STT3B: variants seen among roughly 807,000 people sequenced by gnomAD.
The protein encoded by STT3B is dolichyl-diphosphooligosaccharide--protein glycosyltransferase subunit STT3B.
In STT3B, 29 loss-of-function variants were observed where a neutral mutation model predicts 96.8. The ratio of observed to expected loss-of-function variants is 0.30; its 90% confidence interval spans 0.22 to 0.41. The LOEUF (loss-of-function observed/expected upper bound fraction) is 0.41, where lower values mean the gene tolerates loss of function less well. Among genes scored for constraint, STT3B ranks in the 10% least tolerant of loss-of-function variants. The pLI, the probability that STT3B is intolerant of heterozygous loss-of-function variation, is 1.00. For synonymous variants in STT3B, 367 were observed against 360.0 expected (o/e 1.02, Z -0.22); for missense variants, 640 against 1,022.3 (o/e 0.63, Z 5.10).
chr3:31,559,711 C>G (rs970805526), intron 1 of STT3B, among the ~76,000 whole-genome samples: 1 of 151,994 alleles, frequency 6.6e-6, no homozygotes, highest in Non-Finnish European at 1.5e-5. Flanking sequence ...TACATTTTGT[C>G]TAATGTGCAG....
chr3:31,589,175 A>T (rs1698611993), intron 3 of STT3B, among the ~76,000 whole-genome samples: 1 of 152,024 alleles, frequency 6.6e-6, no homozygotes. Context: ...TACTTAAGTA[A>T]TTCATTTTGT....
intron 1 of STT3B, among the ~76,000 whole-genome samples, chr3:31,535,872 A>T (rs1697079764): frequency 1.3e-5 from 2 of 152,142 alleles, no homozygotes; most frequent in African/African-American, 2.4e-5. Context: ...TATAGTTTTA[A>T]TGTTGACATT....
intron 5 of STT3B, 109 bp from the exon 6 acceptor site, chr3:31,614,996 C>T: frequency 1.8e-6 from 1 of 563,128 alleles, no homozygotes; most frequent in Non-Finnish European, 3.1e-6. Flanking sequence ...AGATTCTGTT[C>T]TTAAATTCAG....
At position 31,637,567 on chromosome 3, in the gene STT3B, A is replaced by G. The variant is rs143203831; in HGVS notation, c.*1503A>G. 13 of 152,328 alleles carry G rather than the reference A, an allele frequency of 8.5e-5. No individual in the cohort carries two copies. The highest frequency in any genetic ancestry group is 1.5e-4 in the Non-Finnish European group (10 of 68,020). The allele number at this position is 152,328 out of a possible 1,614,324, so 9.4% of individuals were successfully genotyped here. On this transcript the variant is annotated 3_prime_UTR_variant, in exon 16 of 16. Coordinates refer to ENST00000295770, the MANE Select transcript of STT3B (RefSeq NM_178862.3). ...TTTTACTTTGTTGCTTTAAAATTCA[A>G]TGCAGAGAAGTTGTTGACTGTAGGG...
intron 3 of STT3B, among the ~76,000 whole-genome samples, chr3:31,592,019 G>T (rs553312169): frequency 6.6e-6 from 1 of 151,666 alleles, no homozygotes. Context: ...TACTTTATTG[G>T]CATTAAGTAC....
chr3:31,608,913 G>A (rs193079940), intron 5 of STT3B, among the ~76,000 whole-genome samples: 15 of 152,130 alleles, frequency 9.9e-5, no homozygotes, highest in African/African-American at 3.4e-4. Context: ...TCAAGAGATC[G>A]AGACCATCCT....
intron 2 of STT3B, among the ~76,000 whole-genome samples, chr3:31,579,403 C>A (rs1057109595): frequency 2.2e-4 from 30 of 133,882 alleles, no homozygotes; most frequent in Middle Eastern, 4.6e-3. Context: ...CTTATGTACA[C>A]ACAAGTATGG....
At chr3:31,549,947 A>G (rs895941570) in intron 1 of STT3B, among the ~76,000 whole-genome samples, 13 of 152,098 alleles carry the variant, frequency 8.5e-5, no homozygotes, top group Admixed American at 4.6e-4. Flanking sequence ...AATTGATCAA[A>G]TATACTATTT....
At chr3:31,540,138 C>G (rs1021945328) in intron 1 of STT3B, among the ~76,000 whole-genome samples, 2 of 152,068 alleles carry the variant, frequency 1.3e-5, no homozygotes, top group African/African-American at 4.8e-5. Context: ...GGGGAAGTTA[C>G]TTTCTACCAC....
intron 5 of STT3B, among the ~76,000 whole-genome samples, chr3:31,608,944 A>G (rs992064359): frequency 6.6e-6 from 1 of 152,070 alleles, no homozygotes; most frequent in African/African-American, 2.4e-5. Context: ...GTGAAACCCC[A>G]TCTCTACTAA....
At chr3:31,585,722 A>G (rs983169641) in intron 3 of STT3B, among the ~76,000 whole-genome samples, 4 of 152,180 alleles carry the variant, frequency 2.6e-5, no homozygotes, top group African/African-American at 9.6e-5. Flanking sequence ...AATGCCATAT[A>G]AATACAGACA....
chr3:31,573,068 G>T (rs1698195204), intron 1 of STT3B, among the ~76,000 whole-genome samples: 1 of 152,144 alleles, frequency 6.6e-6, no homozygotes, highest in Non-Finnish European at 1.5e-5. Flanking sequence ...AGACATCAGT[G>T]ATACAGGCAG....
intron 5 of STT3B, among the ~76,000 whole-genome samples, chr3:31,606,043 A>G (rs1699045824): frequency 6.6e-6 from 1 of 152,240 alleles, no homozygotes; most frequent in South Asian, 2.1e-4. Context: ...CCCCTGCCCT[A>G]GAGATTTGTG....
chr3:31,538,247 C>T (rs968042661), intron 1 of STT3B, among the ~76,000 whole-genome samples: 1 of 152,128 alleles, frequency 6.6e-6, no homozygotes, highest in Non-Finnish European at 1.5e-5. Context: ...CATCTTTGTT[C>T]CCCAACACCA....
At chr3:31,557,611 G>GTA (rs34718648) in intron 1 of STT3B, among the ~76,000 whole-genome samples, 6,608 of 151,692 alleles carry the variant, frequency 0.044, 376 homozygotes, top group East Asian at 0.32. Flanking sequence ...TTATTTCTAG[G>GTA]TATATATATT....
chr3:31,589,846 G>A (rs1163798862), intron 3 of STT3B, among the ~76,000 whole-genome samples: 6 of 151,334 alleles, frequency 4.0e-5, no homozygotes. Flanking sequence ...TCCTTGCCTG[G>A]TTGTACTGAC....
intron 5 of STT3B, 117 bp downstream of exon 5, chr3:31,600,576 G>T: frequency 2.1e-6 from 1 of 469,468 alleles, no homozygotes; most frequent in Non-Finnish European, 3.7e-6. Context: ...AAATAATTTT[G>T]TGTTCATTTT....
intron 3 of STT3B, among the ~76,000 whole-genome samples, chr3:31,594,210 G>A (rs538372440): frequency 1.8e-4 from 28 of 152,158 alleles, no homozygotes; most frequent in Admixed American, 1.6e-3. Flanking sequence ...AATATTTGGC[G>A]ATTTCTCCCC....
intron 3 of STT3B, among the ~76,000 whole-genome samples, chr3:31,580,337 ATC>A (rs1467266302): frequency 6.6e-6 from 1 of 152,186 alleles, no homozygotes; most frequent in Non-Finnish European, 1.5e-5. Context: ...TCATAAAACA[ATC>A]TGTTGATATT....
Sources: allele counts gnomAD v4.1 joint callset (sites outside exome capture counted in the v4.1 genomes callset), GRCh38; gene constraint gnomAD v4.1.1; transcripts MANE v1.5; gene names NCBI Gene and HGNC (gene_info 2026-07-23, HGNC 2026-07-21).